The following ELMOD2 variants were observed in gnomAD, a reference collection of about 807,000 sequenced individuals.
ELMOD2 encodes ELMO domain-containing protein 2.
ELMOD2 carries 28 observed loss-of-function variants against 41.0 expected under a neutral mutation model. The ratio of observed to expected loss-of-function variants is 0.68; its 90% confidence interval spans 0.51 to 0.94. The LOEUF (loss-of-function observed/expected upper bound fraction) is 0.94. ELMOD2 is among the 40% of genes least tolerant of loss of function. The probability of loss-of-function intolerance (pLI) is 0.00; values close to 1 mark genes in which losing one functional copy is unlikely to be tolerated. For missense variants in ELMOD2, 333 were observed against 343.1 expected (o/e 0.97, Z 0.23); for synonymous variants, 106 against 107.2 (o/e 0.99, Z 0.07).
intron 1 of ELMOD2, 59 bp from the exon 2 acceptor site, chr4:140,525,361 T>A (rs1455095319): frequency 6.5e-7 from 1 of 1,529,290 alleles, no homozygotes; most frequent in Non-Finnish European, 8.8e-7. Context: ...ATAAACTTTT[T>A]AAATTTTAAA....
chr4:140,530,687 C>T (rs1227819886), intron 3 of ELMOD2, among the ~76,000 whole-genome samples: 4 of 152,076 alleles, frequency 2.6e-5, no homozygotes, highest in East Asian at 1.9e-4. Context: ...AATCACTTAA[C>T]GATTTATTCT....
chr4:140,545,785 G>C (rs1244626832), intron 8 of ELMOD2, among the ~76,000 whole-genome samples: 1 of 151,996 alleles, frequency 6.6e-6, no homozygotes, highest in East Asian at 1.9e-4. Context: ...ACATAAATGA[G>C]ATATCATGTC....
chr4:140,540,027 G>T, intron 5 of ELMOD2, 141 bp from the exon 6 acceptor site: 1 of 888,538 alleles, frequency 1.1e-6, no homozygotes, highest in Non-Finnish European at 1.7e-6. Context: ...AATGTGCTGC[G>T]TGTTTTAGGA....
rs151148756 is a variant in ELMOD2, at chr4:140,532,052, A to G, written c.172-3681A>G. Among the ~76,000 whole-genome samples, 179 of 152,260 alleles carry G rather than the reference A, an allele frequency of 1.2e-3. 4 individuals carry two copies. The East Asian group carries it at 0.03, about 26-fold the overall frequency. ...TAAAGCCAGATATAGACAATATAAT[A>G]TATGAAAATTACAGTTCAATGTCCT... On this transcript the variant is annotated intron_variant, in intron 3 of 8. Transcript: ENST00000323570.
At chr4:140,538,749 A>G (rs995366586) in intron 5 of ELMOD2, among the ~76,000 whole-genome samples, 3 of 152,196 alleles carry the variant, frequency 2.0e-5, no homozygotes, top group Admixed American at 6.5e-5. Context: ...GTGAAGAGCT[A>G]TGTAATCTGT....
chr4:140,535,733 G>T lies in ELMOD2; in HGVS notation c.172G>T (p.Val58Phe). The change falls in exon 4 of 9, where the codon GTT (valine) becomes TTT (phenylalanine). Residue 58 changes from valine (V) to phenylalanine (F), a missense_variant and splice_region_variant. Physicochemically the swap from Val to Phe is conservative, Grantham distance 50 (BLOSUM62 -1). Coordinates refer to ENST00000323570, the MANE Select transcript of ELMOD2 (RefSeq NM_153702.4). ...ENSLTYSKNK[V>F]LQKATHVVQS... Reference sequence around the variant, plus strand: ...ATTTGGCTTTCTTTTACATAAATAGGTTTTACAGAAGGCGACACATGTTGT... The same window carrying T: ...ATTTGGCTTTCTTTTACATAAATAGTTTTTACAGAAGGCGACACATGTTGT... The T allele has an allele frequency of 6.2e-7, 1 of 1,606,936 alleles. No individual in the cohort carries two copies. The highest frequency in any genetic ancestry group is 8.5e-7 in the Non-Finnish European group (1 of 1,178,144).
chr4:140,524,338 C>G (rs1336963570), intron 1 of ELMOD2, 58 bp downstream of exon 1: 1 of 152,002 alleles, frequency 6.6e-6, no homozygotes, highest in East Asian at 1.9e-4. Flanking sequence ...GCACTGAGAG[C>G]GCGCGGGCTC....
intron 3 of ELMOD2, among the ~76,000 whole-genome samples, chr4:140,532,144 G>C (rs918479623): frequency 1.3e-5 from 2 of 151,384 alleles, no homozygotes; most frequent in Non-Finnish European, 2.9e-5. Flanking sequence ...TACATAAAAA[G>C]GATAATATGT....
rs1046627331 is a variant in ELMOD2 at position 140,524,642 on chromosome 4, C to T, written c.-10+362C>T. Reference sequence around the variant, plus strand: ...GGTACTTCGAACTTCGACAGTCCCTCCTCAGGCCCTAGTCCAGAGGTGACG... The same window carrying T: ...GGTACTTCGAACTTCGACAGTCCCTTCTCAGGCCCTAGTCCAGAGGTGACG... On this transcript the variant is annotated intron_variant, in intron 1 of 8. Coordinates refer to ENST00000323570, the MANE Select transcript of ELMOD2 (RefSeq NM_153702.4). The T allele has an allele frequency of 7.1e-6, 7 of 985,364 alleles. No individual in the cohort carries two copies. The African/African-American group carries it at 1.2e-4, about 17-fold the overall frequency. 61.0% of individuals were successfully genotyped at this position (985,364 alleles called of 1,614,324 possible). A position where few individuals can be genotyped will look rare whatever the true frequency, so the allele number is the denominator to read the frequency against.
rs1223576156 is a variant in ELMOD2 at position 140,550,436 on chromosome 4, G to A, written c.*61G>A. Reference sequence around the variant, plus strand: ...GCACATTCAACAGAATTTATATGTTGTAATAGGAATTATCTGATCAATTAC... The same window carrying A: ...GCACATTCAACAGAATTTATATGTTATAATAGGAATTATCTGATCAATTAC... On this transcript the variant is annotated 3_prime_UTR_variant, in exon 9 of 9. Coordinates refer to ENST00000323570, the MANE Select transcript of ELMOD2 (RefSeq NM_153702.4). 6.1e-6 allele frequency: 9 copies of A among 1,465,876 alleles called. No individual in the cohort carries two copies. Among genetic ancestry groups the A allele is most frequent in the African/African-American group, 4.3e-5 (3 of 70,140 alleles). 90.8% of individuals were successfully genotyped at this position (1,465,876 alleles called of 1,614,324 possible).
At chr4:140,531,253 A>T (rs376357912) in intron 3 of ELMOD2, among the ~76,000 whole-genome samples, 1 of 152,186 alleles carries the variant, frequency 6.6e-6, no homozygotes, top group Non-Finnish European at 1.5e-5. Flanking sequence ...TGGACTGTGC[A>T]CTGTTCCACA....
At position 140,537,429 on chromosome 4, in the gene ELMOD2, A is replaced by G. The variant is rs764209296; in HGVS notation, c.287A>G (p.Lys96Arg). The change falls in exon 5 of 9, where the codon AAG (lysine) becomes AGG (arginine). Residue 96 changes from lysine (K) to arginine (R), a missense_variant. Coordinates refer to ENST00000323570, the MANE Select transcript of ELMOD2 (RefSeq NM_153702.4). ...ATTTTTAGTTTTAAAATATGCATGAAGATGTGCTTACTGCAGATAACTGGT... is the reference window on the plus strand; with the variant it reads ...ATTTTTAGTTTTAAAATATGCATGAGGATGTGCTTACTGCAGATAACTGGT... Reference protein sequence around the residue: ...EKDASFKICMKMCLLQITGYK... With the variant: ...EKDASFKICMRMCLLQITGYK... 1 of 1,539,644 alleles carries G rather than the reference A, an allele frequency of 6.5e-7. No homozygotes were observed. Among genetic ancestry groups the G allele is most frequent in the South Asian group, 1.3e-5 (1 of 76,386 alleles).
chr4:140,531,365 A>G (rs1734741504), intron 3 of ELMOD2, among the ~76,000 whole-genome samples: 1 of 152,228 alleles, frequency 6.6e-6, no homozygotes. Flanking sequence ...ACTGGGATTT[A>G]TAAATAAAAA....
chr4:140,540,420 G>C, intron 6 of ELMOD2, 119 bp downstream of exon 6: 2 of 1,312,940 alleles, frequency 1.5e-6, no homozygotes, highest in Non-Finnish European at 2.1e-6. Context: ...TTTAATAACT[G>C]CAGTGCTGGA....
At chr4:140,525,214 A>G in intron 1 of ELMOD2, 1 of 437,202 alleles carries the variant, frequency 2.3e-6, no homozygotes, top group Non-Finnish European at 3.9e-6. Flanking sequence ...AGTTTTGAAA[A>G]AGTGATTAAT....
chr4:140,549,457 CA>C (rs752033894), intron 8 of ELMOD2, among the ~76,000 whole-genome samples: 14 of 149,918 alleles, frequency 9.3e-5, no homozygotes, highest in Non-Finnish European at 1.8e-4. Flanking sequence ...TATTGAAAGC[CA>C]AAAATATTAA....
chr4:140,529,756 T>C (rs1734686030), intron 3 of ELMOD2, among the ~76,000 whole-genome samples: 1 of 152,200 alleles, frequency 6.6e-6, no homozygotes, highest in Non-Finnish European at 1.5e-5. Context: ...TTCAGGTTTT[T>C]CCTCAGTTAT....
chr4:140,528,637 CT>C (rs746740426), intron 3 of ELMOD2, among the ~76,000 whole-genome samples: 23 of 152,092 alleles, frequency 1.5e-4, no homozygotes, highest in Non-Finnish European at 2.1e-4. Context: ...TTGCTACTGT[CT>C]AGTATTATGA....
intron 2 of ELMOD2, among the ~76,000 whole-genome samples, chr4:140,525,895 G>A (rs1734548037): frequency 3.3e-5 from 5 of 152,098 alleles, no homozygotes. Context: ...TCACATGGTG[G>A]GAAGAATGAG....
Sources: allele counts gnomAD v4.1 joint callset (sites outside exome capture counted in the v4.1 genomes callset), GRCh38; gene constraint gnomAD v4.1.1; transcripts MANE v1.5; gene names NCBI Gene and HGNC (gene_info 2026-07-23, HGNC 2026-07-21).